Variants in AMZ1 observed in about 807,000 individuals in gnomAD.
The protein encoded by AMZ1 is archaelysin family metallopeptidase 1.
In AMZ1, 39 loss-of-function variants were observed where a neutral mutation model predicts 29.9. The observed-to-expected ratio is 1.30, with a 90% CI of 1.01 to 1.70. The LOEUF (loss-of-function observed/expected upper bound fraction) is 1.70, where lower values mean the gene tolerates loss of function less well. Ranked by LOEUF, AMZ1 falls within the 40% of genes most tolerant of loss-of-function variation. The pLI is 0.00. For missense variants in AMZ1, 1,041 were observed against 680.6 expected, an observed-to-expected ratio of 1.53 and a Z score of -5.89; for synonymous variants, 458 against 304.0, an observed-to-expected ratio of 1.51 and a Z score of -5.27.
At chr7:2,750,877 G>A (rs1177780074) in intron 4 of AMZ1, among the ~76,000 whole-genome samples, 1 of 152,196 alleles carries the variant, frequency 6.6e-6, no homozygotes. Context: ...TGAAATAACT[G>A]ATTAATATGA....
chr7:2,712,306 T>G (rs1788832348), intron 6 of AMZ1, 24 bp from the exon 7 acceptor site: 2 of 1,533,356 alleles, frequency 1.3e-6, no homozygotes, highest in East Asian at 2.3e-5. Flanking sequence ...CGGAGCAAAC[T>G]CAGCCTGTGT....
At chr7:2,687,843 C>G (rs1562353861), upstream of AMZ1, among the ~76,000 whole-genome samples, 1 of 150,986 alleles carries the variant, frequency 6.6e-6, no homozygotes, top group Non-Finnish European at 1.5e-5. Context: ...TTCCTCACCT[C>G]GTGGCGCTGG....
rs1788901813 is a variant in AMZ1, at chr7:2,713,028, A to G, written c.*150A>G. 2 of 835,754 alleles carry G rather than the reference A, an allele frequency of 2.4e-6. No individual in the cohort carries two copies. The highest frequency in any genetic ancestry group is 3.4e-6 in the Non-Finnish European group (2 of 595,780). 51.8% of individuals were successfully genotyped at this position (835,754 alleles called of 1,614,324 possible). A position where few individuals can be genotyped will look rare whatever the true frequency, so the allele number is the denominator to read the frequency against. ...TGTCATCCCATCACTTTGAGAGGCC[A>G]GGAGTTTGAGACCAGACTGGGCAAC... On this transcript the variant is annotated 3_prime_UTR_variant, in exon 7 of 7. Coordinates refer to ENST00000683327, the MANE Select transcript of AMZ1 (RefSeq NM_001384743.1).
At chr7:2,742,670 G>T (rs892382239) in intron 4 of AMZ1, among the ~76,000 whole-genome samples, 6 of 152,162 alleles carry the variant, frequency 3.9e-5, no homozygotes, top group African/African-American at 1.4e-4. Context: ...GCAAACACCT[G>T]CAGAGTTTTG....
intron 4 of AMZ1, chr7:2,729,655 G>A (rs911801668): frequency 6.6e-5 from 10 of 152,224 alleles, no homozygotes; most frequent in African/African-American, 9.7e-5. Context: ...AGAGGGGCTC[G>A]GGGCTCGGGG....
chr7:2,696,481 T>G (rs185916428), intron 1 of AMZ1, among the ~76,000 whole-genome samples: 3 of 150,072 alleles, frequency 2.0e-5, no homozygotes, highest in East Asian at 4.1e-4. Flanking sequence ...ATGGTCTCGA[T>G]CTCCTGACCT....
At chr7:2,724,264 C>T (rs1465175243), downstream of AMZ1, among the ~76,000 whole-genome samples, 1 of 152,248 alleles carries the variant, frequency 6.6e-6, no homozygotes, top group Non-Finnish European at 1.5e-5. Context: ...TCTAAGCCAG[C>T]TGGGGCTCAC....
chr7:2,758,302 A>C (rs1380017327), intron 4 of AMZ1, among the ~76,000 whole-genome samples: 5 of 152,214 alleles, frequency 3.3e-5, no homozygotes, highest in African/African-American at 1.2e-4. Context: ...AGGCTCTGCA[A>C]ACACTTATCT....
At chr7:2,755,301 T>C (rs1330423519) in intron 4 of AMZ1, among the ~76,000 whole-genome samples, 1 of 152,246 alleles carries the variant, frequency 6.6e-6, no homozygotes, top group Non-Finnish European at 1.5e-5. Context: ...AAGATCTTGC[T>C]GCGATTTTCA....
At chr7:2,712,043 T>C (rs1302050674) in intron 6 of AMZ1, among the ~76,000 whole-genome samples, 1 of 116,592 alleles carries the variant, frequency 8.6e-6, no homozygotes, top group African/African-American at 4.0e-5. Flanking sequence ...TGAGCCTCTG[T>C]CTTAAAAAAA....
At chr7:2,681,247 C>T (rs567775298) in intron 1 of AMZ1, among the ~76,000 whole-genome samples, 33 of 152,224 alleles carry the variant, frequency 2.2e-4, no homozygotes, top group South Asian at 4.1e-4. Flanking sequence ...TTTTTTGAGA[C>T]GGGGTCTCAC....
intron 3 of AMZ1, among the ~76,000 whole-genome samples, chr7:2,704,251 C>T (rs1788221717): frequency 1.3e-5 from 2 of 152,044 alleles, no homozygotes; most frequent in Admixed American, 1.3e-4. Flanking sequence ...ACATGTAATC[C>T]CAGTACTTTG....
rs190107158 is a variant in AMZ1 at position 2,752,609 on chromosome 7, A to G, written n.551-12103A>G. On this transcript the variant is annotated intron_variant and non_coding_transcript_variant, in intron 4 of 4. Transcript: ENST00000489665. ...TCCGTGAGTTCAGCACATTCACAAG[A>G]TAAGAGATTACTACACAAAAATCAA... Among the ~76,000 whole-genome samples the G allele has an allele frequency of 1.3e-3, 205 of 152,354 alleles. 2 individuals are homozygous for G. Among genetic ancestry groups the G allele is most frequent in the African/African-American group, 4.5e-3 (187 of 41,582 alleles).
At position 2,731,037 on chromosome 7, in the gene AMZ1, G is replaced by A. The variant is rs556690219; in HGVS notation, n.550+21221G>A. On this transcript the variant is annotated intron_variant and non_coding_transcript_variant, in intron 4 of 4. Coordinates refer to the AMZ1 transcript ENST00000489665. This position sits in a 1 kb window ranked among gnomAD's most constrained non-coding sequence, Gnocchi z 6.0. Reference sequence around the variant, plus strand: ...TTTGCCTAGAGCTCGCTGGCTGGCTGGTCTGACAGCATTCCTGAGCCAGGT... The same window carrying A: ...TTTGCCTAGAGCTCGCTGGCTGGCTAGTCTGACAGCATTCCTGAGCCAGGT... 1.9e-5 allele frequency: 11 copies of A among 590,602 alleles called. No homozygotes were observed. Among genetic ancestry groups the A allele is most frequent in the Admixed American group, 8.8e-5 (3 of 33,902 alleles). 36.6% of individuals were successfully genotyped at this position (590,602 alleles called of 1,614,324 possible). A position where few individuals can be genotyped will look rare whatever the true frequency, so the allele number is the denominator to read the frequency against.
chr7:2,739,525 G>A (rs1410561035), intron 4 of AMZ1, among the ~76,000 whole-genome samples: 1 of 152,132 alleles, frequency 6.6e-6, no homozygotes, highest in Non-Finnish European at 1.5e-5. Context: ...TATGTGGTTT[G>A]TTTTTCCATT....
In AMZ1 at chr7:2,712,760, G is replaced by A. The variant is rs148649777; in HGVS notation, c.1379G>A (p.Ser460Asn). 1.4e-4 allele frequency: 230 copies of A among 1,597,800 alleles called. No homozygotes were observed. In the African/African-American group the frequency reaches 2.8e-3, roughly 19 times the overall value. The change falls in exon 7 of 7, where the codon AGC becomes AAC. Residue 460 changes from serine (S) to asparagine (N), a missense_variant. By Grantham distance (46) the Ser-to-Asn change is conservative. Coordinates refer to ENST00000683327, the MANE Select transcript of AMZ1 (RefSeq NM_001384743.1). ...CAGGACCCACCCAGCAGCAGGGACAGCGTGGGGCTGCGCAAGGTGCTGGGG... is the reference window on the plus strand; with the variant it reads ...CAGGACCCACCCAGCAGCAGGGACAACGTGGGGCTGCGCAAGGTGCTGGGG... ...TRQDPPSSRD[S>N]VGLRKVLGDK...
intron 4 of AMZ1, among the ~76,000 whole-genome samples, chr7:2,757,128 CCTTTT>C (rs1204793164): frequency 1.7e-5 from 2 of 115,134 alleles, no homozygotes; most frequent in Admixed American, 1.0e-4. Flanking sequence ...ATCAGGTGGG[CCTTTT>C]TTTTTTTTTT....
intron 4 of AMZ1, among the ~76,000 whole-genome samples, chr7:2,744,080 T>TC (rs1790645502): frequency 6.6e-6 from 1 of 152,176 alleles, no homozygotes; most frequent in Non-Finnish European, 1.5e-5. Context: ...CTCTGTAGGT[T>TC]CCCCCTCTGG....
rs798473 is a variant in AMZ1 at position 2,700,381 on chromosome 7, T to C, written c.-71T>C. ...CGAGGGAAGATTCTGGACGAGACCG[T>C]GGCCGTCCCCCGGGTGGCCCATGGA... On this transcript the variant is annotated 5_prime_UTR_variant, in exon 2 of 7. Coordinates refer to ENST00000683327, the MANE Select transcript of AMZ1 (RefSeq NM_001384743.1). 3.9e-6 allele frequency: 6 copies of C among 1,525,368 alleles called. No homozygotes were observed. The highest frequency in any genetic ancestry group is 5.3e-6 in the Non-Finnish European group (6 of 1,136,318). 94.5% of individuals were successfully genotyped at this position (1,525,368 alleles called of 1,614,324 possible). A position where few individuals can be genotyped will look rare whatever the true frequency, so the allele number is the denominator to read the frequency against.
Sources: gnomAD v4.1 joint callset for allele counts (sites outside exome capture counted in the v4.1 genomes callset) on GRCh38, gnomAD v4.1.1 for gene constraint, Gnocchi (gnomAD v3.1) non-coding constraint, MANE v1.5 for transcripts, NCBI Gene and HGNC (gene_info 2026-07-23, HGNC 2026-07-21) for gene names.